Variants in DLGAP4 observed in about 807,000 individuals in gnomAD.
DLGAP4 encodes disks large-associated protein 4.
In DLGAP4, 18 loss-of-function variants were observed where a neutral mutation model predicts 86.9. That is an observed-to-expected ratio of 0.21 (90% CI 0.14 to 0.31). The LOEUF is 0.31. DLGAP4 is among the 10% of genes least tolerant of loss of function. The probability of loss-of-function intolerance (pLI) is 1.00; values close to 1 mark genes in which losing one functional copy is unlikely to be tolerated. For missense variants in DLGAP4, 1,085 were observed against 1,362.6 expected, an observed-to-expected ratio of 0.80 and a Z score of 3.21; for synonymous variants, 548 against 574.3, an observed-to-expected ratio of 0.95 and a Z score of 0.65.
In DLGAP4 at chr20:36,318,874, G is replaced by A. The variant is rs555393759; in HGVS notation, c.-304+12362G>A. 5.3e-5 allele frequency among the ~76,000 whole-genome samples: 8 copies of A among 152,304 alleles called. No individual in the cohort carries two copies. In the South Asian group the frequency reaches 1.2e-3, roughly 24 times the overall value. Reference sequence around the variant, plus strand: ...CAAGAGCAAAACTGAAGGCAGGCGCGGTGGCTCACGCCTGTAATCTTAGCA... The same window carrying A: ...CAAGAGCAAAACTGAAGGCAGGCGCAGTGGCTCACGCCTGTAATCTTAGCA... On this transcript the variant is annotated intron_variant, in intron 1 of 12. Transcript: ENST00000339266.
chr20:36,370,915 G>T (rs2030904212), intron 2 of DLGAP4, among the ~76,000 whole-genome samples: 1 of 152,192 alleles, frequency 6.6e-6, no homozygotes, highest in Non-Finnish European at 1.5e-5. Context: ...TGGATGGGGG[G>T]CCAAACTGCA....
intron 2 of DLGAP4, among the ~76,000 whole-genome samples, chr20:36,419,794 C>A (rs373662453): frequency 4.6e-5 from 7 of 152,346 alleles, no homozygotes; most frequent in Middle Eastern, 6.8e-3. Flanking sequence ...GCAGAAGCTG[C>A]AGTGTCTTTC....
chr20:36,492,339 TG>T (rs1569517936), intron 7 of DLGAP4: 1 of 152,412 alleles, frequency 6.6e-6, no homozygotes, highest in Non-Finnish European at 1.5e-5. Context: ...CTTATCTGGC[TG>T]TGGCCTGTGT....
chr20:36,462,272 C>T (rs2034119763), intron 7 of DLGAP4: 1 of 1,288,632 alleles, frequency 7.8e-7, no homozygotes, highest in South Asian at 2.0e-5. Flanking sequence ...TGTCCCCTGT[C>T]GCTGTCTCTC....
At chr20:36,525,216 C>CAAAAAAAAAAAAAAAAAAAAA (rs1159616185) in intron 11 of DLGAP4, among the ~76,000 whole-genome samples, 11 of 28,502 alleles carry the variant, frequency 3.9e-4, no homozygotes, top group African/African-American at 8.2e-4. Context: ...GACTCCGTCT[C>CAAAAAAAAAAAAAAAAAAAAA]AAAAAAAAAA....
chr20:36,435,561 G>A (rs908441523), intron 3 of DLGAP4, among the ~76,000 whole-genome samples: 1 of 152,204 alleles, frequency 6.6e-6, no homozygotes, highest in African/African-American at 2.4e-5. Context: ...CCTGACCCGG[G>A]GAAGCACCTC....
chr20:36,489,303 C>A (rs146680478), intron 7 of DLGAP4, among the ~76,000 whole-genome samples: 180 of 152,302 alleles, frequency 1.2e-3, no homozygotes, highest in Admixed American at 2.2e-3. Flanking sequence ...ATATGAAGTA[C>A]CTGCTCAGGC....
At chr20:36,311,500 G>A (rs1352743840) in intron 1 of DLGAP4, among the ~76,000 whole-genome samples, 7 of 152,154 alleles carry the variant, frequency 4.6e-5, no homozygotes, top group African/African-American at 1.7e-4. Context: ...GCAAAACCAG[G>A]CTTGGGGATC....
chr20:36,316,198 T>C (rs1290029041), intron 1 of DLGAP4, among the ~76,000 whole-genome samples: 1 of 152,206 alleles, frequency 6.6e-6, no homozygotes, highest in African/African-American at 2.4e-5. Flanking sequence ...CCTGATTTCC[T>C]GCTGGTGCGT....
chr20:36,513,270 C>T (rs1041025323), intron 10 of DLGAP4, among the ~76,000 whole-genome samples: 15 of 151,718 alleles, frequency 9.9e-5, no homozygotes, highest in Middle Eastern at 3.4e-3. Context: ...TAATCTGGGC[C>T]GGGCGCGGTG....
chr20:36,319,012 G>C lies in DLGAP4; in HGVS notation c.-304+12500G>C, dbSNP rs140328877. The stretch of plus-strand genomic sequence containing the variant: ...TACAAAAATTAGCTGGCATGGTGGT[G>C]CACGCCTGTAGTCCTGGCTACTCAG... On this transcript the variant is annotated intron_variant, in intron 1 of 12. Transcript: ENST00000339266. Among the ~76,000 whole-genome samples, 758 of 152,088 alleles carry C rather than the reference G, an allele frequency of 5.0e-3. 4 individuals carry two copies. Among genetic ancestry groups the C allele is most frequent in the African/African-American group, 0.017 (708 of 41,500 alleles).
intron 7 of DLGAP4, among the ~76,000 whole-genome samples, chr20:36,463,476 C>T (rs2034193331): frequency 6.6e-6 from 1 of 152,212 alleles, no homozygotes; most frequent in Non-Finnish European, 1.5e-5. Flanking sequence ...CAGTCCAGGG[C>T]TCTTTAACCT....
At chr20:36,444,715 A>T (rs2033545384) in intron 6 of DLGAP4, among the ~76,000 whole-genome samples, 1 of 152,116 alleles carries the variant, frequency 6.6e-6, no homozygotes. Flanking sequence ...GTCTTGGCTC[A>T]CTGCAACCTC....
At chr20:36,526,759 C>A in intron 12 of DLGAP4, 54 bp from the exon 13 acceptor site, 2 of 1,490,192 alleles carry the variant, frequency 1.3e-6, no homozygotes, top group Non-Finnish European at 9.0e-7. Flanking sequence ...TAGTGCCACA[C>A]AAAACGTGGC....
intron 2 of DLGAP4, among the ~76,000 whole-genome samples, chr20:36,396,882 C>T (rs2032018374): frequency 6.6e-6 from 1 of 152,166 alleles, no homozygotes. Flanking sequence ...GAGAGCTGTG[C>T]CCTTTTAAAG....
intron 2 of DLGAP4, among the ~76,000 whole-genome samples, chr20:36,382,527 C>CTTTTTTTTTT (rs749210064): frequency 4.8e-4 from 53 of 110,472 alleles, no homozygotes; most frequent in African/African-American, 7.9e-4. Flanking sequence ...TTCTTTTTTT[C>CTTTTTTTTTT]TTTTTTTTTT....
intron 1 of DLGAP4, among the ~76,000 whole-genome samples, chr20:36,357,173 G>A (rs1185009136): frequency 6.6e-6 from 1 of 152,018 alleles, no homozygotes; most frequent in Admixed American, 6.6e-5. Flanking sequence ...TTCCAGCCCC[G>A]TCTCTCCCCT....
chr20:36,431,935 G>T lies in DLGAP4; in HGVS notation c.218G>T (p.Arg73Leu), dbSNP rs199599437. 1.2e-6 allele frequency: 2 copies of T among 1,614,032 alleles called. No homozygotes were observed. The highest frequency in any genetic ancestry group is 2.2e-5 in the South Asian group (2 of 91,064). ...QLPPPSSTFP[R>L]IHYNSHFEVP... ...CCCCCGCCCAGCAGCACCTTTCCCCGCATCCACTACAACTCCCACTTCGAG... is the reference window on the plus strand; with the variant it reads ...CCCCCGCCCAGCAGCACCTTTCCCCTCATCCACTACAACTCCCACTTCGAG... Residue 73 changes from arginine to leucine, a missense_variant, in exon 3 of 13, where the codon CGC (arginine) becomes CTC (leucine). By Grantham distance (102) the Arg-to-Leu change is moderately radical. Coordinates refer to ENST00000339266, the MANE Select transcript of DLGAP4 (RefSeq NM_001365621.2). This position sits in a 1 kb window ranked among gnomAD's most constrained non-coding sequence, Gnocchi z 5.1.
At chr20:36,427,031 T>A (rs78135953) in intron 2 of DLGAP4, among the ~76,000 whole-genome samples, 7 of 147,288 alleles carry the variant, frequency 4.8e-5, no homozygotes, top group Non-Finnish European at 9.0e-5. Flanking sequence ...AAAAAAAAAA[T>A]GTTTTTTCTA....
Sources: allele counts gnomAD v4.1 joint callset (sites outside exome capture counted in the v4.1 genomes callset), GRCh38; gene constraint gnomAD v4.1.1; non-coding constraint Gnocchi (gnomAD v3.1); transcripts MANE v1.5; gene names NCBI Gene and HGNC (gene_info 2026-07-23, HGNC 2026-07-21).